Variants in PLLP observed in about 807,000 individuals in gnomAD.
The protein encoded by PLLP is plasmolipin.
A neutral mutation model predicts 19.7 loss-of-function variants in PLLP; 15 were observed. The ratio of observed to expected loss-of-function variants is 0.76; its 90% CI spans 0.51 to 1.17. The LOEUF is 1.17. Ranked by LOEUF, PLLP falls within the 50% of genes most tolerant of loss-of-function variation. The probability of loss-of-function intolerance (pLI) is 0.00; values close to 1 mark genes in which losing one functional copy is unlikely to be tolerated. For missense variants in PLLP, 255 were observed against 258.3 expected (o/e 0.99, Z 0.09); for synonymous variants, 111 against 116.3 (o/e 0.95, Z 0.29).
At chr16:57,273,887 G>A (rs1228442778) in intron 1 of PLLP, among the ~76,000 whole-genome samples, 1 of 152,208 alleles carries the variant, frequency 6.6e-6, no homozygotes, top group Non-Finnish European at 1.5e-5. Flanking sequence ...CAAGGCTATT[G>A]CTCCCTGCTG....
At chr16:57,259,000 AG>A (rs1274828284) in intron 2 of PLLP, among the ~76,000 whole-genome samples, 3 of 151,492 alleles carry the variant, frequency 2.0e-5, no homozygotes, top group African/African-American at 7.3e-5. Context: ...CTCCTTGAAT[AG>A]CCATTGGATG....
intron 1 of PLLP, among the ~76,000 whole-genome samples, chr16:57,272,308 G>T (rs1438164429): frequency 6.6e-6 from 1 of 152,216 alleles, no homozygotes. Context: ...TTCCCCTGGA[G>T]ACTACTTTAT....
chr16:57,280,926 G>A (rs982417176), intron 1 of PLLP, among the ~76,000 whole-genome samples: 7 of 152,138 alleles, frequency 4.6e-5, no homozygotes, highest in African/African-American at 1.7e-4. Flanking sequence ...CCAGGAGCTG[G>A]GAGCCTTTCT....
chr16:57,261,813 AC>A (rs771367151), intron 2 of PLLP, 83 bp downstream of exon 2: 59 of 1,260,488 alleles, frequency 4.7e-5, no homozygotes, highest in African/African-American at 1.6e-4. Flanking sequence ...ATGTCAGGCC[AC>A]CCCCCCACAC....
intron 1 of PLLP, among the ~76,000 whole-genome samples, chr16:57,280,412 G>A (rs1173760089): frequency 6.6e-6 from 1 of 152,042 alleles, no homozygotes; most frequent in Non-Finnish European, 1.5e-5. Context: ...AAAGGCTTTG[G>A]GAGCTCCCCA....
chr16:57,264,416 G>A (rs2075450914), intron 1 of PLLP, among the ~76,000 whole-genome samples: 1 of 152,240 alleles, frequency 6.6e-6, no homozygotes, highest in Admixed American at 6.5e-5. Context: ...GTTCACTGCT[G>A]TATCTTCAGT....
intron 2 of PLLP, among the ~76,000 whole-genome samples, chr16:57,260,496 T>A (rs1161014090): frequency 6.6e-6 from 1 of 152,184 alleles, no homozygotes; most frequent in East Asian, 1.9e-4. Flanking sequence ...GCTGCCTGTT[T>A]CTGCCAGGGA....
intron 1 of PLLP, among the ~76,000 whole-genome samples, chr16:57,276,873 C>CT (rs1205045356): frequency 6.6e-6 from 1 of 152,140 alleles, no homozygotes; most frequent in African/African-American, 2.4e-5. Context: ...GGTGGCATTT[C>CT]TTGCAGCAGG....
At position 57,258,557 on chromosome 16, in the gene PLLP, CG is replaced by C. The variant is rs1468561513; in HGVS notation, c.336del (p.Val113PhefsTer16). On this transcript the variant is annotated frameshift_variant, in exon 3 of 4. Transcript: ENST00000219207. LOFTEE classifies it high-confidence loss of function. ...GCGATGAAGGCGGTGATGTAGAGAA[CG>C]GTGGCGCTGATGTTAAAGATCATTA... ...LVLMIFNISATVLYITAFIAC... is the reference protein window; with the variant it reads ...LVLMIFNISAXVLYITAFIAC... 6.2e-7 allele frequency: 1 copy of C among 1,613,142 alleles called. No homozygotes were observed. Among genetic ancestry groups the C allele is most frequent in the African/African-American group, 1.3e-5 (1 of 74,880 alleles).
intron 1 of PLLP, among the ~76,000 whole-genome samples, 200 bp downstream of exon 1, chr16:57,284,206 T>C (rs933263429): frequency 6.6e-6 from 1 of 151,666 alleles, no homozygotes; most frequent in South Asian, 2.1e-4. Flanking sequence ...GGTAGTGTCG[T>C]GGTGAGAGGG....
chr16:57,280,479 G>T (rs903758756), intron 1 of PLLP, among the ~76,000 whole-genome samples: 2 of 151,928 alleles, frequency 1.3e-5, no homozygotes, highest in African/African-American at 2.4e-5. Flanking sequence ...AAAATCTGTA[G>T]CACTGATGCC....
intron 1 of PLLP, among the ~76,000 whole-genome samples, chr16:57,278,219 A>G (rs1450175396): frequency 6.6e-6 from 1 of 152,130 alleles, no homozygotes; most frequent in Non-Finnish European, 1.5e-5. Context: ...AGGCACCTGT[A>G]GTCCCAGCTA....
At position 57,284,527 on chromosome 16, in the gene PLLP, G is replaced by C; in HGVS notation, c.14C>G (p.Pro5Arg). 4 of 1,387,398 alleles carry C rather than the reference G, an allele frequency of 2.9e-6. No individual in the cohort carries two copies. In the South Asian group the frequency reaches 5.1e-5, roughly 18 times the overall value. 85.9% of individuals were successfully genotyped at this position (1,387,398 alleles called of 1,614,324 possible). A position where few individuals can be genotyped will look rare whatever the true frequency, so the allele number is the denominator to read the frequency against. The change falls in exon 1 of 4, where the codon CCG becomes CGG. Residue 5 changes from proline (P) to arginine (R), a missense_variant. Transcript: ENST00000219207. MAEF[P>R]SKVSTRTSSP... is the part of the protein sequence containing the mutation. ...GCTGGTCCGCGTGCTAACTTTCGACGGGAACTCGGCCATGGCGGCTCCGCT... is the reference window on the plus strand; with the variant it reads ...GCTGGTCCGCGTGCTAACTTTCGACCGGAACTCGGCCATGGCGGCTCCGCT...
intron 2 of PLLP, among the ~76,000 whole-genome samples, chr16:57,261,167 G>T (rs1308007499): frequency 8.1e-6 from 1 of 123,428 alleles, no homozygotes; most frequent in African/African-American, 3.1e-5. Context: ...GTTGTATTTT[G>T]CTAATTGTTG....
chr16:57,273,786 C>T (rs1901114314), intron 1 of PLLP, among the ~76,000 whole-genome samples: 1 of 152,202 alleles, frequency 6.6e-6, no homozygotes, highest in Non-Finnish European at 1.5e-5. Context: ...ACAGCAACAG[C>T]CTGGGAGACT....
At chr16:57,269,792 G>C (rs2146444543) in intron 1 of PLLP, among the ~76,000 whole-genome samples, 1 of 152,268 alleles carries the variant, frequency 6.6e-6, no homozygotes, top group East Asian at 1.9e-4. Flanking sequence ...ATCTGATGGA[G>C]TCTCGCTTTG....
intron 1 of PLLP, among the ~76,000 whole-genome samples, chr16:57,282,829 G>T (rs1352224544): frequency 6.6e-6 from 1 of 152,130 alleles, no homozygotes; most frequent in Non-Finnish European, 1.5e-5. Context: ...AGATTTCAGT[G>T]AAGTCTCTGC....
At chr16:57,262,138 C>T (rs2075443946) in intron 1 of PLLP, 68 bp from the exon 2 acceptor site, 1 of 1,495,060 alleles carries the variant, frequency 6.7e-7, no homozygotes, top group African/African-American at 1.4e-5. Flanking sequence ...CTAAGAAATA[C>T]TGGCCAGGCA....
In PLLP at chr16:57,284,445, G is replaced by T; in HGVS notation, c.96C>A (p.Phe32Leu). The T allele has an allele frequency of 7.1e-7, 1 of 1,405,122 alleles. No homozygotes were observed. Among genetic ancestry groups the T allele is most frequent in the South Asian group, 1.5e-5 (1 of 67,154 alleles). 87.0% of individuals were successfully genotyped at this position (1,405,122 alleles called of 1,614,324 possible). A position where few individuals can be genotyped will look rare whatever the true frequency, so the allele number is the denominator to read the frequency against. ...SVSALRPDLG[F>L]VRSRLGALML... ...TGAGCGCCCCGAGGCGGGAGCGCAC[G>T]AAGCCCAGGTCCGGGCGCAGCGCCG... The change falls in exon 1 of 4, where the codon TTC becomes TTA. Residue 32 changes from phenylalanine (F) to leucine (L), a missense_variant. Phe to Leu is a conservative substitution (Grantham distance 22). Coordinates refer to ENST00000219207, the MANE Select transcript of PLLP (RefSeq NM_015993.3).
Sources: allele counts gnomAD v4.1 joint callset (sites outside exome capture counted in the v4.1 genomes callset), GRCh38; gene constraint gnomAD v4.1.1; transcripts MANE v1.5; gene names NCBI Gene and HGNC (gene_info 2026-07-23, HGNC 2026-07-21).